NAV2: variants seen among roughly 807,000 people sequenced by gnomAD.
NAV2 encodes neuron navigator 2.
A neutral mutation model predicts 223.2 loss-of-function variants in NAV2; 54 were observed. The ratio of observed to expected loss-of-function variants is 0.24; its 90% CI spans 0.19 to 0.30. The LOEUF (loss-of-function observed/expected upper bound fraction) is 0.30, where lower values mean the gene tolerates loss of function less well. NAV2 is among the 10% of genes least tolerant of loss of function. NAV2 has a pLI of 1.00. For missense variants in NAV2, 2,806 were observed against 3,147.5 expected (o/e 0.89, Z 2.60); for synonymous variants, 1,279 against 1,239.3 (o/e 1.03, Z -0.67).
At chr11:20,046,624 A>ACACACACACACACACAC (rs1554924597) in intron 14 of NAV2, among the ~76,000 whole-genome samples, 1 of 150,418 alleles carries the variant, frequency 6.6e-6, no homozygotes, top group Non-Finnish European at 1.5e-5. Flanking sequence ...ACACACACAC[A>ACACACACACACACACAC]AACCTCTTAA....
rs578158072 is a variant in NAV2, at chr11:19,576,610, T to C, written c.75+225583T>C. 3.5e-4 allele frequency among the ~76,000 whole-genome samples: 54 copies of C among 152,220 alleles called. 1 individual carries two copies. The highest frequency in any genetic ancestry group is 5.1e-4 in the Non-Finnish European group (35 of 68,032). On this transcript the variant is annotated intron_variant, in intron 1 of 37. Coordinates refer to the NAV2 transcript ENST00000360655. ...TGCAAATACATGAATATGATTAACT[T>C]GTATATATTTAGCTTGTTGTAAAAC...
At chr11:19,470,910 C>T (rs2041945021) in intron 1 of NAV2, among the ~76,000 whole-genome samples, 1 of 152,100 alleles carries the variant, frequency 6.6e-6, no homozygotes. Flanking sequence ...CCCTCATTGA[C>T]CAAGACAGCA....
intron 1 of NAV2, among the ~76,000 whole-genome samples, chr11:19,449,761 G>T (rs1238587858): frequency 1.3e-5 from 2 of 152,086 alleles, no homozygotes; most frequent in South Asian, 4.1e-4. Flanking sequence ...TTCTATGTCC[G>T]CAGTGCCTGG....
At chr11:19,892,165 A>G (rs2153141894) in intron 5 of NAV2, among the ~76,000 whole-genome samples, 1 of 152,202 alleles carries the variant, frequency 6.6e-6, no homozygotes, top group South Asian at 2.1e-4. Flanking sequence ...TGCCATGTTG[A>G]ACTTTGTATT....
At chr11:20,049,702 ATG>A in intron 15 of NAV2, 132 bp from the exon 16 acceptor site, 1 of 816,204 alleles carries the variant, frequency 1.2e-6, no homozygotes, top group Non-Finnish European at 2.1e-6. Flanking sequence ...GCAGGGATAA[ATG>A]TGTCCAGTTT....
chr11:19,596,578 G>A (rs1226168087), intron 1 of NAV2, among the ~76,000 whole-genome samples: 1 of 152,190 alleles, frequency 6.6e-6, no homozygotes, highest in Non-Finnish European at 1.5e-5. Flanking sequence ...CTGGGAGCTT[G>A]GCCAGCCTCC....
At chr11:19,432,845 C>A (rs545446085) in intron 1 of NAV2, among the ~76,000 whole-genome samples, 2 of 152,338 alleles carry the variant, frequency 1.3e-5, no homozygotes, top group African/African-American at 2.4e-5. Context: ...ACTCTTACCG[C>A]AGCTGAGGAG....
chr11:20,104,729 A>C (rs1032446272), intron 34 of NAV2: 1 of 152,198 alleles, frequency 6.6e-6, no homozygotes, highest in African/African-American at 2.4e-5. Context: ...GACCAGAGTG[A>C]GCATTCTAGA....
intron 1 of NAV2, among the ~76,000 whole-genome samples, chr11:19,522,374 T>G (rs2043692350): frequency 6.6e-6 from 1 of 152,190 alleles, no homozygotes; most frequent in Non-Finnish European, 1.5e-5. Context: ...TCTGCTTCTG[T>G]GTTTACAGGA....
At chr11:20,084,560 A>G (rs576432034) in intron 26 of NAV2, among the ~76,000 whole-genome samples, 1 of 152,264 alleles carries the variant, frequency 6.6e-6, no homozygotes, top group South Asian at 2.1e-4. Flanking sequence ...TGAGGGTAAA[A>G]TTGAATGGGG....
chr11:19,987,165 G>GT (rs2050867218), intron 11 of NAV2, among the ~76,000 whole-genome samples: 1 of 152,202 alleles, frequency 6.6e-6, no homozygotes, highest in Admixed American at 6.5e-5. Flanking sequence ...ATCACAGGTG[G>GT]TATGTAGTTA....
chr11:20,049,010 C>T lies in NAV2; in HGVS notation c.4185C>T (p.Ser1395=), dbSNP rs199618392. 3 of 1,614,166 alleles carry T rather than the reference C, an allele frequency of 1.9e-6. No homozygotes were observed. In the East Asian group the frequency reaches 6.7e-5, roughly 36 times the overall value. The part of the protein sequence containing the change: ...GTNASSSSAV[S]KDGLGFQSVS... ...ACGCCAGCAGCTCCTCCGCAGTTAGCAAGGATGGCCTGGGCTTTCAGTCTG... is the reference window on the plus strand; with the variant it reads ...ACGCCAGCAGCTCCTCCGCAGTTAGTAAGGATGGCCTGGGCTTTCAGTCTG... The change falls in exon 15 of 38, where the codon AGC becomes AGT. Residue 1395 remains serine, a synonymous_variant. Coordinates refer to ENST00000349880, the MANE Select transcript of NAV2 (RefSeq NM_145117.5).
intron 11 of NAV2, among the ~76,000 whole-genome samples, chr11:20,025,420 G>T (rs1186398500): frequency 6.6e-6 from 1 of 152,214 alleles, no homozygotes; most frequent in Non-Finnish European, 1.5e-5. Flanking sequence ...GCCAGCAGTG[G>T]CCCAAGGGTA....
chr11:19,861,352 C>T (rs1437134667), intron 3 of NAV2, among the ~76,000 whole-genome samples: 1 of 149,446 alleles, frequency 6.7e-6, no homozygotes, highest in East Asian at 1.9e-4. Flanking sequence ...AAACGGAAAG[C>T]AGATAAGCCT....
intron 22 of NAV2, among the ~76,000 whole-genome samples, chr11:20,076,660 G>T (rs1389510794): frequency 1.3e-5 from 2 of 152,146 alleles, no homozygotes; most frequent in African/African-American, 4.8e-5. Flanking sequence ...ACAGTCAAAA[G>T]CTTAGTGTTA....
At chr11:19,391,905 C>A (rs934971428) in intron 1 of NAV2, among the ~76,000 whole-genome samples, 4 of 152,170 alleles carry the variant, frequency 2.6e-5, no homozygotes, top group Non-Finnish European at 5.9e-5. Context: ...AGGGATTAAC[C>A]AGCTCTCCTG....
chr11:19,830,551 G>A (rs1306413510), intron 1 of NAV2, among the ~76,000 whole-genome samples: 1 of 152,200 alleles, frequency 6.6e-6, no homozygotes, highest in African/African-American at 2.4e-5. Flanking sequence ...TGTGTAAAAT[G>A]TTTATGTCAG....
At chr11:19,509,549 C>T (rs2043213336) in intron 1 of NAV2, among the ~76,000 whole-genome samples, 2 of 152,176 alleles carry the variant, frequency 1.3e-5, no homozygotes, top group South Asian at 4.1e-4. Flanking sequence ...GGCTTGTATT[C>T]CCGCACCGAT....
At chr11:20,035,368 C>T in intron 11 of NAV2, among the ~76,000 whole-genome samples, 1 of 152,180 alleles carries the variant, frequency 6.6e-6, no homozygotes, top group East Asian at 1.9e-4. Context: ...TTGGGACTGA[C>T]CTCATTCGGT....
Sources: allele counts gnomAD v4.1 joint callset (sites outside exome capture counted in the v4.1 genomes callset), GRCh38; gene constraint gnomAD v4.1.1; transcripts MANE v1.5; gene names NCBI Gene and HGNC (gene_info 2026-07-23, HGNC 2026-07-21).